Variants in SIK2 observed in about 807,000 individuals in gnomAD.
SIK2 encodes salt inducible kinase 2, also known as serine/threonine-protein kinase SIK2.
Under a neutral mutation model 103.2 loss-of-function variants are expected in SIK2, and 29 were observed. That is an observed-to-expected ratio of 0.28 (90% CI 0.21 to 0.38). The LOEUF is 0.38. Among genes scored for constraint, SIK2 ranks in the 10% least tolerant of loss-of-function variants. The pLI is 1.00. For synonymous variants in SIK2, 412 were observed against 446.1 expected (o/e 0.92, Z 0.96); for missense variants, 879 against 1,171.0 (o/e 0.75, Z 3.64).
At chr11:111,635,792 CGT>C (rs1399924319) in intron 3 of SIK2, among the ~76,000 whole-genome samples, 2 of 152,158 alleles carry the variant, frequency 1.3e-5, no homozygotes, top group African/African-American at 4.8e-5. Context: ...GGCAGCCTGC[CGT>C]TAGTTATGGT....
intron 1 of SIK2, among the ~76,000 whole-genome samples, chr11:111,611,144 G>A (rs1941720692): frequency 6.6e-6 from 1 of 151,766 alleles, no homozygotes; most frequent in African/African-American, 2.4e-5. Context: ...AGCTTCTTGG[G>A]AGGCTGAGGT....
rs959333095 is a variant in SIK2, at chr11:111,620,944, G to A, written c.316+542G>A. 2.6e-5 allele frequency among the ~76,000 whole-genome samples: 4 copies of A among 152,050 alleles called. 1 individual carries two copies. Among genetic ancestry groups the A allele is most frequent in the Middle Eastern group, 6.8e-3 (2 of 294 alleles). On this transcript the variant is annotated intron_variant, in intron 3 of 14. Transcript: ENST00000304987. ...TTTGATTGGTGTTTATGATTCATTC[G>A]AACTTTAAAAAAAATTTAAATATTT...
At chr11:111,717,477 C>G (rs1943679762) in intron 9 of SIK2, among the ~76,000 whole-genome samples, 1 of 152,094 alleles carries the variant, frequency 6.6e-6, no homozygotes, top group Non-Finnish European at 1.5e-5. Context: ...GAAAGGAACA[C>G]TTTTACACTG....
At chr11:111,685,326 C>A (rs964477856) in intron 3 of SIK2, among the ~76,000 whole-genome samples, 1 of 152,202 alleles carries the variant, frequency 6.6e-6, no homozygotes, top group African/African-American at 2.4e-5. Flanking sequence ...AGGCCATGGA[C>A]CAGTGCTGGT....
At chr11:111,634,320 G>C (rs1245270182) in intron 3 of SIK2, among the ~76,000 whole-genome samples, 1 of 152,156 alleles carries the variant, frequency 6.6e-6, no homozygotes, top group Non-Finnish European at 1.5e-5. Context: ...AGTTTTTGTG[G>C]TCTTTGGTTA....
rs1004705392 is a variant in SIK2 at position 111,725,515 on chromosome 11, T to C, written c.*1386T>C. ...CTAGAAATGATGAATAATTTGCCATTTGGACAGTTAACATCCAGGTGTTAC... is the reference window on the plus strand; with the variant it reads ...CTAGAAATGATGAATAATTTGCCATCTGGACAGTTAACATCCAGGTGTTAC... On this transcript the variant is annotated 3_prime_UTR_variant, in exon 15 of 15. Transcript: ENST00000304987. 1 of 152,618 alleles carries C rather than the reference T, an allele frequency of 6.6e-6. No homozygotes were observed. The highest frequency in any genetic ancestry group is 2.4e-5 in the African/African-American group (1 of 41,458). 9.5% of individuals were successfully genotyped at this position (152,618 alleles called of 1,614,324 possible).
At chr11:111,648,598 A>G (rs1434689905) in intron 3 of SIK2, among the ~76,000 whole-genome samples, 1 of 151,916 alleles carries the variant, frequency 6.6e-6, no homozygotes, top group Non-Finnish European at 1.5e-5. Context: ...ATGGGCTCCT[A>G]TTGATATATA....
At chr11:111,661,678 T>C (rs1192650271) in intron 3 of SIK2, among the ~76,000 whole-genome samples, 1 of 152,232 alleles carries the variant, frequency 6.6e-6, no homozygotes, top group African/African-American at 2.4e-5. Flanking sequence ...AGAGGTTTAA[T>C]GGACTCACAG....
intron 3 of SIK2, among the ~76,000 whole-genome samples, chr11:111,644,897 T>G (rs1942235353): frequency 6.6e-6 from 1 of 152,212 alleles, no homozygotes; most frequent in Non-Finnish European, 1.5e-5. Context: ...AAGTTACTAA[T>G]GGGCTGGGAT....
At chr11:111,666,897 C>T (rs1001927174) in intron 3 of SIK2, among the ~76,000 whole-genome samples, 7 of 151,750 alleles carry the variant, frequency 4.6e-5, no homozygotes, top group Non-Finnish European at 1.0e-4. Flanking sequence ...CATATTTACA[C>T]TCTGTATTAC....
chr11:111,668,394 A>G (rs952321916), intron 3 of SIK2, among the ~76,000 whole-genome samples: 1 of 152,232 alleles, frequency 6.6e-6, no homozygotes, highest in African/African-American at 2.4e-5. Context: ...ATTTCAAATA[A>G]TGTTGCACTG....
chr11:111,662,118 CATT>C (rs1942475364), intron 3 of SIK2, among the ~76,000 whole-genome samples: 1 of 152,092 alleles, frequency 6.6e-6, no homozygotes, highest in African/African-American at 2.4e-5. Context: ...AGAGGAATGA[CATT>C]ATGAAAGCAG....
chr11:111,691,681 T>C (rs1942945499), intron 4 of SIK2, among the ~76,000 whole-genome samples: 1 of 152,218 alleles, frequency 6.6e-6, no homozygotes, highest in Non-Finnish European at 1.5e-5. Flanking sequence ...CACACACATG[T>C]GTGCACAGAG....
rs545970084 is a variant in SIK2 at position 111,675,395 on chromosome 11, A to G, written c.317-12606A>G. Among the ~76,000 whole-genome samples, 5 of 152,356 alleles carry G rather than the reference A, an allele frequency of 3.3e-5. No homozygotes were observed. In the South Asian group the frequency reaches 6.2e-4, roughly 19 times the overall value. On this transcript the variant is annotated intron_variant, in intron 3 of 14. Transcript: ENST00000304987. ...GAAGAAATGGGAAAAGTAATGTACT[A>G]CAGCAGTATTTCAACCCTGTCAATT...
chr11:111,637,626 A>AT (rs1426611795), intron 3 of SIK2, among the ~76,000 whole-genome samples: 2 of 151,554 alleles, frequency 1.3e-5, no homozygotes, highest in African/African-American at 2.4e-5. Context: ...CGCCTGGCTG[A>AT]TTTTTTTGTA....
intron 1 of SIK2, among the ~76,000 whole-genome samples, chr11:111,607,252 T>G (rs553941786): frequency 6.6e-6 from 1 of 152,310 alleles, no homozygotes; most frequent in East Asian, 1.9e-4. Flanking sequence ...CAAGGACATT[T>G]TGAAAACTGT....
chr11:111,614,876 C>T (rs539881575), intron 1 of SIK2, among the ~76,000 whole-genome samples: 6 of 152,150 alleles, frequency 3.9e-5, no homozygotes, highest in East Asian at 1.9e-4. Context: ...CAGTGGCTCA[C>T]GCCTGAAATC....
chr11:111,611,049 C>G (rs900617214), intron 1 of SIK2, among the ~76,000 whole-genome samples: 2 of 151,648 alleles, frequency 1.3e-5, no homozygotes, highest in African/African-American at 4.9e-5. Flanking sequence ...AGTTTGAGAC[C>G]AGCCTGGGCA....
intron 3 of SIK2, among the ~76,000 whole-genome samples, chr11:111,633,553 C>G (rs1201571383): frequency 1.3e-5 from 2 of 152,124 alleles, no homozygotes; most frequent in African/African-American, 4.8e-5. Flanking sequence ...TGTTGGTTTA[C>G]TCTTCACGAG....
Sources: allele counts gnomAD v4.1 joint callset (sites outside exome capture counted in the v4.1 genomes callset), GRCh38; gene constraint gnomAD v4.1.1; transcripts MANE v1.5; gene names NCBI Gene and HGNC (gene_info 2026-07-23, HGNC 2026-07-21).